Variants in ADGRL3 observed in about 807,000 individuals in gnomAD.
The protein encoded by ADGRL3 is adhesion G protein-coupled receptor L3.
Under a neutral mutation model 153.5 loss-of-function variants are expected in ADGRL3, and 62 were observed. The observed-to-expected ratio is 0.40, with a 90% confidence interval of 0.33 to 0.50. The LOEUF is 0.50. ADGRL3 is among the 20% of genes least tolerant of loss of function. The pLI, the probability that ADGRL3 is intolerant of heterozygous loss-of-function variation, is 0.47. For missense variants in ADGRL3, 1,641 were observed against 1,859.4 expected, an observed-to-expected ratio of 0.88 and a Z score of 2.16; for synonymous variants, 710 against 672.5, an observed-to-expected ratio of 1.06 and a Z score of -0.86.
intron 17 of ADGRL3, among the ~76,000 whole-genome samples, chr4:61,970,843 T>C (rs1291433774): frequency 6.6e-6 from 1 of 152,144 alleles, no homozygotes; most frequent in African/African-American, 2.4e-5. Flanking sequence ...ATTAATCCTT[T>C]CACTTTCCCA....
At chr4:61,311,999 A>G (rs771991002) in intron 1 of ADGRL3, among the ~76,000 whole-genome samples, 2 of 152,136 alleles carry the variant, frequency 1.3e-5, no homozygotes, top group Non-Finnish European at 2.9e-5. Flanking sequence ...CAGAGGGTAT[A>G]TGAGAGATCT....
At chr4:61,536,422 T>C (rs1165014618) in intron 4 of ADGRL3, among the ~76,000 whole-genome samples, 1 of 152,086 alleles carries the variant, frequency 6.6e-6, no homozygotes, top group Non-Finnish European at 1.5e-5. Context: ...CTAGTTTAAG[T>C]CCTGAGTTTC....
At chr4:61,690,369 G>A (rs2095518319) in intron 6 of ADGRL3, among the ~76,000 whole-genome samples, 1 of 152,022 alleles carries the variant, frequency 6.6e-6, no homozygotes, top group South Asian at 2.1e-4. Flanking sequence ...CTTGAGCCCA[G>A]GAGGTTGCGG....
chr4:61,768,158 C>G (rs1052215807), intron 8 of ADGRL3, among the ~76,000 whole-genome samples: 1 of 152,066 alleles, frequency 6.6e-6, no homozygotes, highest in Non-Finnish European at 1.5e-5. Flanking sequence ...GAGCATTAAC[C>G]TTGACTATGC....
intron 5 of ADGRL3, among the ~76,000 whole-genome samples, chr4:61,665,435 A>T (rs76732708): frequency 0.024 from 3,626 of 151,980 alleles, 113 homozygotes; most frequent in East Asian, 0.17. Context: ...ACAAAAACAA[A>T]CAAAAAAAAA....
At chr4:61,386,855 G>C (rs768803509) in intron 2 of ADGRL3, among the ~76,000 whole-genome samples, 10 of 152,090 alleles carry the variant, frequency 6.6e-5, no homozygotes, top group Non-Finnish European at 1.3e-4. Context: ...ATTTATATTT[G>C]CTAGATTGTA....
chr4:61,779,667 G>T (rs1258737270), intron 8 of ADGRL3, among the ~76,000 whole-genome samples: 1 of 144,364 alleles, frequency 6.9e-6, no homozygotes, highest in Non-Finnish European at 1.5e-5. Flanking sequence ...AAAAGGGAGA[G>T]AATTATTGTG....
chr4:61,446,172 A>G (rs890429773), intron 2 of ADGRL3, among the ~76,000 whole-genome samples: 14 of 152,158 alleles, frequency 9.2e-5, no homozygotes, highest in African/African-American at 3.1e-4. Context: ...ATGTGTGTAT[A>G]TATCTCTCAC....
At chr4:61,706,206 G>A (rs1421349212) in intron 6 of ADGRL3, among the ~76,000 whole-genome samples, 2 of 152,040 alleles carry the variant, frequency 1.3e-5, no homozygotes, top group Non-Finnish European at 2.9e-5. Flanking sequence ...TGGATCACAA[G>A]GTCAGGAGTT....
chr4:61,924,116 T>C (rs1234073143), intron 13 of ADGRL3, among the ~76,000 whole-genome samples: 1 of 152,130 alleles, frequency 6.6e-6, no homozygotes, highest in Non-Finnish European at 1.5e-5. Flanking sequence ...CATTAATGAC[T>C]TCTAAATGCT....
chr4:61,535,789 A>G (rs2098652226), intron 4 of ADGRL3, among the ~76,000 whole-genome samples: 1 of 151,426 alleles, frequency 6.6e-6, no homozygotes, highest in Admixed American at 6.6e-5. Flanking sequence ...GCTTTTTTCC[A>G]TCTTTTCTTC....
intron 11 of ADGRL3, among the ~76,000 whole-genome samples, chr4:61,896,343 C>G (rs1029997544): frequency 6.6e-6 from 1 of 152,022 alleles, no homozygotes; most frequent in Non-Finnish European, 1.5e-5. Context: ...TATTAATGCA[C>G]TGTGGGGCTT....
chr4:61,420,633 C>T (rs1039313306), intron 2 of ADGRL3: 4 of 151,568 alleles, frequency 2.6e-5, no homozygotes, highest in Admixed American at 6.6e-5. Context: ...GTCTCGATCT[C>T]CTGACCTCGT....
chr4:61,759,685 T>C (rs1561199530), intron 8 of ADGRL3, among the ~76,000 whole-genome samples: 3 of 152,198 alleles, frequency 2.0e-5, no homozygotes, highest in South Asian at 4.1e-4. Context: ...AAAGCCATTC[T>C]CCGTCCAGCT....
At chr4:61,960,859 G>A (rs938168789) in intron 17 of ADGRL3, among the ~76,000 whole-genome samples, 4 of 151,928 alleles carry the variant, frequency 2.6e-5, no homozygotes, top group African/African-American at 4.8e-5. Context: ...ACAGGCGTGC[G>A]CCACCACACC....
At chr4:61,812,179 T>G (rs2097635414) in intron 8 of ADGRL3, among the ~76,000 whole-genome samples, 1 of 152,196 alleles carries the variant, frequency 6.6e-6, no homozygotes, top group Non-Finnish European at 1.5e-5. Context: ...CTGCTAACAG[T>G]ACACAATTAG....
chr4:61,253,292 C>G (rs2091636625), intron 1 of ADGRL3, among the ~76,000 whole-genome samples: 2 of 152,178 alleles, frequency 1.3e-5, no homozygotes. Context: ...ATAAAGCTGA[C>G]TATTCCAAAT....
chr4:61,282,586 T>G (rs570704847), intron 1 of ADGRL3, among the ~76,000 whole-genome samples: 1 of 152,134 alleles, frequency 6.6e-6, no homozygotes, highest in African/African-American at 2.4e-5. Flanking sequence ...TTGAGTTTTT[T>G]TAGTCATTTT....
chr4:61,361,953 G>A (rs2096288744), intron 1 of ADGRL3, among the ~76,000 whole-genome samples: 1 of 148,906 alleles, frequency 6.7e-6, no homozygotes, highest in South Asian at 2.1e-4. Flanking sequence ...TCTGAGGAAG[G>A]CTTTTTTTAA....
Sources: allele counts gnomAD v4.1 joint callset (sites outside exome capture counted in the v4.1 genomes callset), GRCh38; gene constraint gnomAD v4.1.1; transcripts MANE v1.5; gene names NCBI Gene and HGNC (gene_info 2026-07-23, HGNC 2026-07-21).